The following PRKD3 variants were observed in gnomAD, a reference collection of about 807,000 sequenced individuals.
The protein encoded by PRKD3 is protein kinase D3, also known as serine/threonine-protein kinase D3.
Under a neutral mutation model 99.2 loss-of-function variants are expected in PRKD3, and 47 were observed. That is an observed-to-expected ratio of 0.47 (90% CI 0.38 to 0.60). The LOEUF is 0.60. Among genes scored for constraint, PRKD3 ranks in the 20% least tolerant of loss-of-function variants. The pLI is 0.00. For synonymous variants in PRKD3, 392 were observed against 355.4 expected (o/e 1.10, Z -1.16); for missense variants, 1,019 against 1,088.4 (o/e 0.94, Z 0.90).
chr2:37,321,296 A>G (rs1451907437), intron 1 of PRKD3, among the ~76,000 whole-genome samples: 2 of 152,154 alleles, frequency 1.3e-5, no homozygotes, highest in African/African-American at 4.8e-5. Flanking sequence ...CATTCAAATG[A>G]GCTTACATAA....
intron 16 of PRKD3, among the ~76,000 whole-genome samples, chr2:37,258,580 G>A (rs1668161756): frequency 6.6e-6 from 1 of 152,314 alleles, no homozygotes; most frequent in South Asian, 2.1e-4. Flanking sequence ...ACCAGTAGGA[G>A]TGTGCATCTT....
chr2:37,267,817 A>C (rs1668946970), intron 13 of PRKD3: 1 of 338,118 alleles, frequency 3.0e-6, no homozygotes, highest in African/African-American at 2.2e-5. Flanking sequence ...AATCAATGAT[A>C]GTTAATTACC....
Position 37,316,617 on chromosome 2 carries a change from C to A in PRKD3, c.-93G>T. ...ATAACAGCAGTAAAGAAAATGACCGCACTTTTGGATTTAGTTGAAAACTTC... is the reference window on the plus strand; with the variant it reads ...ATAACAGCAGTAAAGAAAATGACCGAACTTTTGGATTTAGTTGAAAACTTC... On this transcript the variant is annotated 5_prime_UTR_variant, in exon 2 of 19. Coordinates refer to ENST00000234179, the MANE Select transcript of PRKD3 (RefSeq NM_005813.6). 6.6e-7 allele frequency: 1 copy of A among 1,508,940 alleles called. No individual in the cohort carries two copies. Among genetic ancestry groups the A allele is most frequent in the Non-Finnish European group, 8.8e-7 (1 of 1,135,034 alleles). The allele number at this position is 1,508,940 out of a possible 1,614,324, so 93.5% of individuals were successfully genotyped here. A position where few individuals can be genotyped will look rare whatever the true frequency, so the allele number is the denominator to read the frequency against.
In PRKD3 at chr2:37,272,371, A is replaced by C. The variant is rs1222939155; in HGVS notation, c.1704+9T>G. 6.2e-7 allele frequency: 1 copy of C among 1,604,374 alleles called. No homozygotes were observed. Among genetic ancestry groups the C allele is most frequent in the East Asian group, 2.2e-5 (1 of 44,696 alleles). ...CCCAGTTTACACATTAGCTATAACG[A>C]TTACTTACCACATTCTCCTGAATCT... On this transcript the variant is annotated intron_variant, in intron 12 of 18. Transcript: ENST00000234179.
chr2:37,274,648 G>A lies in PRKD3; in HGVS notation c.1424C>T (p.Thr475Ile). The A allele has an allele frequency of 6.2e-7, 1 of 1,614,044 alleles. No homozygotes were observed. Among genetic ancestry groups the A allele is most frequent in the South Asian group, 1.1e-5 (1 of 91,076 alleles). ...TGGATTGCTGCCTTGTGAAATGTTT[G>A]TGAAATCTCGTGGTGAAGATATGCG... ...ILRISSPRDF[T>I]NISQGSNPHC... Residue 475 changes from threonine (T) to isoleucine (I), a missense_variant, in exon 11 of 19, where the codon ACA (threonine) becomes ATA (isoleucine). By Grantham distance (89) the Thr-to-Ile change is moderately conservative. This residue lies in a region of PRKD3 where 710 missense variants were observed against 692.7 expected (regional missense o/e 1.02). Coordinates refer to ENST00000234179, the MANE Select transcript of PRKD3 (RefSeq NM_005813.6).
At chr2:37,289,810 A>G (rs1670312027) in intron 4 of PRKD3, among the ~76,000 whole-genome samples, 1 of 152,232 alleles carries the variant, frequency 6.6e-6, no homozygotes. Flanking sequence ...CTACTGAATT[A>G]GAAACTACGG....
At chr2:37,287,208 C>A (rs1313776410) in intron 5 of PRKD3, among the ~76,000 whole-genome samples, 5 of 111,500 alleles carry the variant, frequency 4.5e-5, no homozygotes, top group African/African-American at 1.8e-4. Flanking sequence ...CCAGCCTGGG[C>A]AACAAGAGCG....
At chr2:37,305,673 T>C (rs984247941) in intron 2 of PRKD3, among the ~76,000 whole-genome samples, 1 of 152,220 alleles carries the variant, frequency 6.6e-6, no homozygotes, top group African/African-American at 2.4e-5. Flanking sequence ...CTGTTTTTTA[T>C]AGTTTTTTTA....
intron 1 of PRKD3, among the ~76,000 whole-genome samples, chr2:37,322,852 C>A (rs1671943263): frequency 1.3e-5 from 2 of 152,104 alleles, no homozygotes; most frequent in African/African-American, 4.8e-5. Context: ...TTATAAGCAG[C>A]ATTATATCAA....
intron 5 of PRKD3, among the ~76,000 whole-genome samples, chr2:37,287,015 G>C (rs925681323): frequency 5.9e-5 from 9 of 151,756 alleles, no homozygotes; most frequent in African/African-American, 2.2e-4. Flanking sequence ...CGGATCACCT[G>C]AGGTCAGGAG....
rs76421211 is a variant in PRKD3, at chr2:37,320,392, T to C, written c.-655-3213A>G. Among the ~76,000 whole-genome samples, 1,237 of 150,510 alleles carry C rather than the reference T, an allele frequency of 8.2e-3. 24 individuals are homozygous for C. Among genetic ancestry groups the C allele is most frequent in the African/African-American group, 0.029 (1,188 of 41,066 alleles). ...ACTACCAAAATAAAGTAGTAAAATA[T>C]CTATGAATAAAACTGTATGCAAGTT... On this transcript the variant is annotated intron_variant, in intron 1 of 18. Transcript: ENST00000234179.
At chr2:37,322,143 G>A (rs1312920723) in intron 1 of PRKD3, among the ~76,000 whole-genome samples, 1 of 152,154 alleles carries the variant, frequency 6.6e-6, no homozygotes, top group East Asian at 1.9e-4. Context: ...GTAAAAGTAT[G>A]TGGCCTTTTT....
chr2:37,290,761 C>T lies in PRKD3; in HGVS notation c.559+107G>A, dbSNP rs534393538. 842 of 1,258,154 alleles carry T rather than the reference C, an allele frequency of 6.7e-4. 13 individuals are homozygous for T. In the South Asian group the frequency reaches 0.012, roughly 18 times the overall value. 77.9% of individuals were successfully genotyped at this position (1,258,154 alleles called of 1,614,324 possible). ...CCTGATCTCTCCAATTCTAAATCCT[C>T]GTTACCACCCTAGTCAACAGCTCGT... is the stretch of plus-strand genomic sequence containing the variant. On this transcript the variant is annotated intron_variant, in intron 4 of 18. Coordinates refer to ENST00000234179, the MANE Select transcript of PRKD3 (RefSeq NM_005813.6).
chr2:37,291,103 C>G, intron 3 of PRKD3, 104 bp from the exon 4 acceptor site: 1 of 1,118,202 alleles, frequency 8.9e-7, no homozygotes, highest in Non-Finnish European at 1.2e-6. Context: ...ATCATTTTTT[C>G]TCTGAAAGTT....
In PRKD3 at chr2:37,256,628, ATTTTTTTTT is replaced by A. The variant is rs56389006; in HGVS notation, c.2413+25_2413+33del. Reference sequence around the variant, plus strand: ...TTTAGGCTTAAAACACATAGCCAAAATTTTTTTTTTTTTTTTTTTTTTTTTTTTTTTACC... The same window carrying A: ...TTTAGGCTTAAAACACATAGCCAAAATTTTTTTTTTTTTTTTTTTTTTACC... On this transcript the variant is annotated intron_variant, in intron 17 of 18. Coordinates refer to ENST00000234179, the MANE Select transcript of PRKD3 (RefSeq NM_005813.6). 11,819 of 1,192,228 alleles carry A rather than the reference ATTTTTTTTT, an allele frequency of 9.9e-3. 29 individuals are homozygous for A. Among genetic ancestry groups the A allele is most frequent in the East Asian group, 0.025 (766 of 31,198 alleles). The allele number at this position is 1,192,228 out of a possible 1,614,324, so 73.9% of individuals were successfully genotyped here.
At chr2:37,299,688 C>A (rs2124865774) in intron 2 of PRKD3, among the ~76,000 whole-genome samples, 1 of 151,884 alleles carries the variant, frequency 6.6e-6, no homozygotes. Flanking sequence ...GACTCAACAA[C>A]AACAAAAAAA....
chr2:37,312,435 C>T (rs1005006170), intron 2 of PRKD3, among the ~76,000 whole-genome samples: 30 of 152,154 alleles, frequency 2.0e-4, no homozygotes, highest in African/African-American at 6.5e-4. Flanking sequence ...CAGAGGCAAA[C>T]ACAGCTTTTC....
intron 2 of PRKD3, among the ~76,000 whole-genome samples, chr2:37,310,053 A>G (rs1671355774): frequency 6.6e-6 from 1 of 152,222 alleles, no homozygotes; most frequent in Non-Finnish European, 1.5e-5. Context: ...GTGAGTACCT[A>G]TTCAGATCAA....
At chr2:37,278,812 C>G (rs184521262) in intron 8 of PRKD3, 1 of 151,988 alleles carries the variant, frequency 6.6e-6, no homozygotes, top group Non-Finnish European at 1.5e-5. Context: ...TGGCAGGTGC[C>G]TGTAGTCCCA....
Sources: gnomAD v4.1 joint callset for allele counts (sites outside exome capture counted in the v4.1 genomes callset) on GRCh38, gnomAD v4.1.1 for gene constraint, gnomAD v4.1.1 regional missense constraint, MANE v1.5 for transcripts, NCBI Gene and HGNC (gene_info 2026-07-23, HGNC 2026-07-21) for gene names.